Variants in CC2D2B observed in about 807,000 individuals in gnomAD.
CC2D2B encodes coiled-coil and C2 domain containing 2B.
A neutral mutation model predicts 161.2 loss-of-function variants in CC2D2B; 128 were observed. That is an observed-to-expected ratio of 0.79 (90% CI 0.69 to 0.92). The LOEUF is 0.92. CC2D2B is among the 40% of genes least tolerant of loss of function. CC2D2B has a pLI of 0.00. For missense variants in CC2D2B, 1,173 were observed against 1,375.1 expected, an observed-to-expected ratio of 0.85 and a Z score of 2.32; for synonymous variants, 391 against 449.8, an observed-to-expected ratio of 0.87 and a Z score of 1.65.
chr10:95,982,023 C>T lies in CC2D2B; in HGVS notation c.1992C>T (p.Leu664=), dbSNP rs146883214. 5,340 of 1,230,142 alleles carry T rather than the reference C, an allele frequency of 4.3e-3. 28 individuals carry two copies. Among genetic ancestry groups the T allele is most frequent in the South Asian group, 6.2e-3 (151 of 24,260 alleles). The allele number at this position is 1,230,142 out of a possible 1,614,324, so 76.2% of individuals were successfully genotyped here. ...GAAGTGTTCCTGGAATTCCATGGCT[C>T]ATGAATGAACAGAAGCTTTTTGAAT... is the stretch of plus-strand genomic sequence containing the variant. The part of the protein sequence containing the change: ...DARSVPGIPW[L]MNEQKLFEWA... Residue 664 remains leucine (L), a synonymous_variant, in exon 18 of 35, where the codon CTC becomes CTT. Coordinates refer to ENST00000646931, the MANE Select transcript of CC2D2B (RefSeq NM_001349008.3).
intron 9 of CC2D2B, among the ~76,000 whole-genome samples, chr10:95,946,082 C>T (rs373200321): frequency 5.9e-5 from 9 of 152,298 alleles, no homozygotes; most frequent in Middle Eastern, 3.4e-3. Context: ...CCACGCCCAG[C>T]GGACAGTTCT....
chr10:95,936,187 A>G (rs2075815205), intron 6 of CC2D2B, among the ~76,000 whole-genome samples: 1 of 152,122 alleles, frequency 6.6e-6, no homozygotes, highest in South Asian at 2.1e-4. Context: ...AGGAGTAAAG[A>G]GTGGGGCAAA....
chr10:95,935,560 C>G (rs1041054698), intron 6 of CC2D2B, among the ~76,000 whole-genome samples: 4 of 151,750 alleles, frequency 2.6e-5, no homozygotes, highest in Non-Finnish European at 5.9e-5. Flanking sequence ...CAGGGGGGAC[C>G]TGGTCCCCTT....
intron 6 of CC2D2B, among the ~76,000 whole-genome samples, chr10:95,936,189 T>G (rs1168357280): frequency 2.0e-5 from 3 of 151,852 alleles, no homozygotes; most frequent in African/African-American, 7.3e-5. Flanking sequence ...GAGTAAAGAG[T>G]GGGGCAAATG....
intron 22 of CC2D2B, among the ~76,000 whole-genome samples, chr10:95,993,796 G>T (rs116188240): frequency 0.17 from 23,321 of 139,342 alleles, 2,348 homozygotes; most frequent in East Asian, 0.53. Flanking sequence ...TATATATATA[G>T]AGAGAGAGAA....
chr10:95,943,152 C>T (rs942776069), intron 9 of CC2D2B, among the ~76,000 whole-genome samples: 1 of 152,150 alleles, frequency 6.6e-6, no homozygotes, highest in Admixed American at 6.6e-5. Flanking sequence ...CGGTCCTTAA[C>T]CTGACCATCC....
chr10:96,002,067 TAG>T (rs1340287653), intron 24 of CC2D2B, among the ~76,000 whole-genome samples: 2 of 152,198 alleles, frequency 1.3e-5, no homozygotes, highest in Non-Finnish European at 2.9e-5. Flanking sequence ...ATGTAGACAT[TAG>T]AGTTAGAAGA....
intron 26 of CC2D2B, 44 bp from the exon 27 acceptor site, chr10:96,012,141 T>C: frequency 1.7e-6 from 1 of 576,444 alleles, no homozygotes; most frequent in Admixed American, 3.4e-5. Context: ...GACTGATGTT[T>C]ATTTTCATCA....
intron 24 of CC2D2B, among the ~76,000 whole-genome samples, 154 bp from the exon 25 acceptor site, chr10:96,003,998 C>T (rs2078640048): frequency 6.6e-6 from 1 of 152,172 alleles, no homozygotes; most frequent in Admixed American, 6.5e-5. Context: ...TGAAAGGTAG[C>T]AGCCAGTCTT....
At chr10:95,921,881 C>T (rs988744993) in intron 2 of CC2D2B, 135 bp from the exon 3 acceptor site, 1 of 484,886 alleles carries the variant, frequency 2.1e-6, no homozygotes, top group Non-Finnish European at 3.8e-6. Context: ...ACCAACATGG[C>T]ACATGTATAC....
rs2075911171 is a variant in CC2D2B at position 95,938,575 on chromosome 10, A to G, written c.542A>G (p.Asn181Ser). 2 of 694,560 alleles carry G rather than the reference A, an allele frequency of 2.9e-6. No homozygotes were observed. Among genetic ancestry groups the G allele is most frequent in the Non-Finnish European group, 5.3e-6 (2 of 379,426 alleles). The allele number at this position is 694,560 out of a possible 1,614,324, so 43.0% of individuals were successfully genotyped here. The change falls in exon 8 of 35, where the codon AAC becomes AGC. Residue 181 changes from asparagine (N) to serine (S), a missense_variant. Coordinates refer to ENST00000646931, the MANE Select transcript of CC2D2B (RefSeq NM_001349008.3). Reference protein sequence around the residue: ...IFVPSSSPVVNQRKLPKDMMP... With the variant: ...IFVPSSSPVVSQRKLPKDMMP... ...AAGTTTTATTGTTATAAAGTGGTTA[A>G]CCAGCGCAAACTGCCAAAAGATATG...
rs11599779 is a variant in CC2D2B, at chr10:95,914,330, C to T, written c.36+2971C>T. Among the ~76,000 whole-genome samples the T allele has an allele frequency of 5.9e-5, 9 of 151,584 alleles. No individual in the cohort carries two copies. The South Asian group carries it at 6.2e-4, about 11-fold the overall frequency. On this transcript the variant is annotated intron_variant, in intron 2 of 34. Transcript: ENST00000646931. ...TTCCATTGATGTGTATGTGTGTGCG[C>T]GTGTGTGTGTGTATTTTAATGCCAG...
chr10:96,029,264 A>G (rs12244415), intron 34 of CC2D2B, among the ~76,000 whole-genome samples: 224 of 60,444 alleles, frequency 3.7e-3, no homozygotes, highest in African/African-American at 0.012. Context: ...ATATATATAT[A>G]TATATATATA....
At chr10:95,917,655 AC>A (rs1555317414) in intron 2 of CC2D2B, among the ~76,000 whole-genome samples, 1 of 141,846 alleles carries the variant, frequency 7.0e-6, no homozygotes, top group African/African-American at 2.5e-5. Context: ...TATTGCAAAA[AC>A]AAACAAACAA....
At chr10:95,986,213 G>A (rs951643550) in intron 19 of CC2D2B, among the ~76,000 whole-genome samples, 30 of 149,458 alleles carry the variant, frequency 2.0e-4, no homozygotes, top group African/African-American at 4.4e-4. Flanking sequence ...GGGGCATCAC[G>A]GAACCTGCCA....
chr10:95,975,309 T>C (rs1320087955), intron 17 of CC2D2B, among the ~76,000 whole-genome samples: 1 of 152,106 alleles, frequency 6.6e-6, no homozygotes, highest in Non-Finnish European at 1.5e-5. Flanking sequence ...GCCAGAGTCA[T>C]AGTAAGAGTT....
chr10:96,027,771 G>A (rs571045104), intron 34 of CC2D2B, among the ~76,000 whole-genome samples: 4 of 152,286 alleles, frequency 2.6e-5, no homozygotes, highest in Non-Finnish European at 4.4e-5. Context: ...AACTAAAATA[G>A]TATGGTACTG....
At chr10:96,025,176 TATATATATAA>T (rs1426931621) in intron 33 of CC2D2B, among the ~76,000 whole-genome samples, 2 of 10,278 alleles carry the variant, frequency 1.9e-4, no homozygotes, top group African/African-American at 3.1e-4. Flanking sequence ...TATATATATA[TATATATATAA>T]AAAAAAATAT....
intron 17 of CC2D2B, 63 bp downstream of exon 17, chr10:95,974,219 T>C (rs2077238524): frequency 1.1e-6 from 1 of 944,918 alleles, no homozygotes; most frequent in Non-Finnish European, 1.4e-6. Flanking sequence ...ACAAAACATA[T>C]TATGTGTAAA....
Sources: gnomAD v4.1 joint callset for allele counts (sites outside exome capture counted in the v4.1 genomes callset) on GRCh38, gnomAD v4.1.1 for gene constraint, MANE v1.5 for transcripts, NCBI Gene and HGNC (gene_info 2026-07-23, HGNC 2026-07-21) for gene names.